Variants in MBNL2 observed in about 807,000 individuals in gnomAD.
MBNL2 encodes muscleblind-like protein 2.
MBNL2 carries 17 observed loss-of-function variants against 41.9 expected under a neutral mutation model. That is an observed-to-expected ratio of 0.41 (90% CI 0.28 to 0.61). The LOEUF (loss-of-function observed/expected upper bound fraction) is 0.61. Ranked by LOEUF, MBNL2 falls within the 20% of genes least tolerant of loss-of-function variation. The pLI is 0.35. For synonymous variants in MBNL2, 195 were observed against 182.9 expected (o/e 1.07, Z -0.53); for missense variants, 336 against 505.6 (o/e 0.66, Z 3.22).
Position 97,334,167 on chromosome 13 carries a change from C to T in MBNL2, c.175-109C>T. The stretch of plus-strand genomic sequence containing the variant: ...GCACACCCACACACACACACACACA[C>T]ACACACACAGGATCCTTGCTTTTGT... On this transcript the variant is annotated intron_variant, in intron 2 of 8. Transcript: ENST00000679496. This position sits in a 1 kb window ranked among gnomAD's most constrained non-coding sequence, Gnocchi z 5.3. 1 of 815,244 alleles carries T rather than the reference C, an allele frequency of 1.2e-6. No individual in the cohort carries two copies. The allele number at this position is 815,244 out of a possible 1,614,324, so 50.5% of individuals were successfully genotyped here. A position where few individuals can be genotyped will look rare whatever the true frequency, so the allele number is the denominator to read the frequency against.
chr13:97,320,261 CTT>C (rs57742449), intron 2 of MBNL2, among the ~76,000 whole-genome samples: 21 of 134,436 alleles, frequency 1.6e-4, no homozygotes, highest in Admixed American at 1.5e-4. Flanking sequence ...CTGGAAGGGT[CTT>C]TTTTTTTTTT....
At chr13:97,152,369 GA>G in the MBNL2 span, among the ~76,000 whole-genome samples, 63 of 151,572 alleles carry the variant, frequency 4.2e-4, 1 homozygote, top group African/African-American at 1.4e-3. Flanking sequence ...AAACAGAGAG[GA>G]AAAAAAATCC....
intron 2 of MBNL2, among the ~76,000 whole-genome samples, chr13:97,298,864 G>A (rs764638343): frequency 6.6e-6 from 1 of 152,166 alleles, no homozygotes; most frequent in Non-Finnish European, 1.5e-5. Flanking sequence ...GCTGCAGTGG[G>A]CCTTCTGCTA....
chr13:97,230,929 C>T (rs147164017), intron 1 of MBNL2, among the ~76,000 whole-genome samples: 6 of 152,192 alleles, frequency 3.9e-5, no homozygotes, highest in African/African-American at 7.2e-5. Context: ...TTTTAAAAGT[C>T]GATCTTCACT....
the MBNL2 span, among the ~76,000 whole-genome samples, chr13:97,159,387 T>C: frequency 1.3e-5 from 2 of 152,166 alleles, no homozygotes; most frequent in African/African-American, 4.8e-5. Context: ...GAGCATTTAG[T>C]CCATTTACAT....
intron 2 of MBNL2, among the ~76,000 whole-genome samples, chr13:97,305,311 T>C (rs2058026589): frequency 6.6e-6 from 1 of 152,218 alleles, no homozygotes; most frequent in Non-Finnish European, 1.5e-5. Flanking sequence ...AGAATTTCTA[T>C]TTACAATCTA....
the MBNL2 span, chr13:97,179,399 C>T: frequency 6.6e-6 from 1 of 152,226 alleles, no homozygotes; most frequent in Admixed American, 6.5e-5. Flanking sequence ...AAAAGTTCTA[C>T]TTTTGCTATT....
Position 97,239,403 on chromosome 13 carries a change from C to G in MBNL2, c.-605+16872C>G, listed in dbSNP as rs139595124. ...ATGTTTGTGGAATACTTGTGAATGG[C>G]TGAAGTGTTTTAGTATTGAGGCAGG... is the stretch of plus-strand genomic sequence containing the variant. On this transcript the variant is annotated intron_variant, in intron 1 of 8. Transcript: ENST00000679496. Among the ~76,000 whole-genome samples the G allele has an allele frequency of 3.1e-4, 47 of 152,274 alleles. No homozygotes were observed. The East Asian group carries it at 8.9e-3, about 29-fold the overall frequency.
the MBNL2 span, among the ~76,000 whole-genome samples, chr13:97,166,780 C>T: frequency 8.6e-6 from 1 of 115,706 alleles, no homozygotes; most frequent in East Asian, 2.6e-4. Context: ...CTAAACTTCC[C>T]TTGATAGATA....
In MBNL2 at chr13:97,392,830, T is replaced by C. The variant is rs1594308880; in HGVS notation, c.*1381T>C. On this transcript the variant is annotated 3_prime_UTR_variant, in exon 9 of 9. Coordinates refer to ENST00000679496, the MANE Select transcript of MBNL2 (RefSeq NM_001382683.1). The stretch of plus-strand genomic sequence containing the variant: ...AAACAGCTGTTATAAATGAATATTA[T>C]GTGTAATTGTTTCAAACATCCATTT... The C allele has an allele frequency of 6.6e-6, 1 of 152,608 alleles. No homozygotes were observed. The highest frequency in any genetic ancestry group is 1.9e-4 in the East Asian group (1 of 5,192). 9.5% of individuals were successfully genotyped at this position (152,608 alleles called of 1,614,324 possible). A position where few individuals can be genotyped will look rare whatever the true frequency, so the allele number is the denominator to read the frequency against.
chr13:97,293,153 T>G (rs2056450950), intron 2 of MBNL2, among the ~76,000 whole-genome samples: 1 of 152,150 alleles, frequency 6.6e-6, no homozygotes, highest in Non-Finnish European at 1.5e-5. Context: ...TTTAGTTCTG[T>G]TCTCATAATT....
At chr13:97,310,279 G>C (rs971869386) in intron 2 of MBNL2, among the ~76,000 whole-genome samples, 2 of 152,110 alleles carry the variant, frequency 1.3e-5, no homozygotes, top group Non-Finnish European at 2.9e-5. Context: ...GATTGTCCTG[G>C]ATCATCTTAG....
the MBNL2 span, among the ~76,000 whole-genome samples, chr13:97,182,240 G>A: frequency 6.6e-6 from 1 of 152,094 alleles, no homozygotes; most frequent in Non-Finnish European, 1.5e-5. Context: ...AACTAAACAG[G>A]TAGATCTACC....
chr13:97,222,492 G>A lies in MBNL2; in HGVS notation c.-644G>A. ...CACTTGGTTCTGCCAGATGTTCCTG[G>A]GGTTACTGTAAATGGGAAGGACAGG... On this transcript the variant is annotated 5_prime_UTR_variant, in exon 1 of 9. Transcript: ENST00000679496. 2 of 398,588 alleles carry A rather than the reference G, an allele frequency of 5.0e-6. No individual in the cohort carries two copies. The allele number at this position is 398,588 out of a possible 1,614,324, so 24.7% of individuals were successfully genotyped here.
chr13:97,269,279 G>A (rs545005762), intron 1 of MBNL2, among the ~76,000 whole-genome samples: 1 of 152,260 alleles, frequency 6.6e-6, no homozygotes, highest in East Asian at 1.9e-4. Flanking sequence ...AAAATAATGT[G>A]GGCAGAGACC....
intron 2 of MBNL2, among the ~76,000 whole-genome samples, chr13:97,318,291 A>C (rs2059222989): frequency 6.6e-6 from 1 of 152,226 alleles, no homozygotes; most frequent in South Asian, 2.1e-4. Context: ...GTGTGGAAGA[A>C]GTATAGTGAT....
At chr13:97,210,087 C>T in the MBNL2 span, among the ~76,000 whole-genome samples, 1 of 152,174 alleles carries the variant, frequency 6.6e-6, no homozygotes, top group Non-Finnish European at 1.5e-5. Context: ...TGAACCACCA[C>T]ACCTGGCCGA....
At chr13:97,155,781 T>A in the MBNL2 span, among the ~76,000 whole-genome samples, 1 of 152,088 alleles carries the variant, frequency 6.6e-6, no homozygotes, top group African/African-American at 2.4e-5. Context: ...CACATTTTCT[T>A]AATCCAGTCT....
chr13:97,249,979 T>C (rs965821080), intron 1 of MBNL2, among the ~76,000 whole-genome samples: 8 of 152,230 alleles, frequency 5.3e-5, no homozygotes, highest in Non-Finnish European at 7.3e-5. Flanking sequence ...AGGTTCCAGC[T>C]TGGCAAAGCT....
Sources: gnomAD v4.1 joint callset for allele counts (sites outside exome capture counted in the v4.1 genomes callset) on GRCh38, gnomAD v4.1.1 for gene constraint, Gnocchi (gnomAD v3.1) non-coding constraint, MANE v1.5 for transcripts, NCBI Gene and HGNC (gene_info 2026-07-23, HGNC 2026-07-21) for gene names.